Variants in EYA2 observed in about 807,000 individuals in gnomAD.
EYA2 encodes EYA transcriptional coactivator and phosphatase 2.
A neutral mutation model predicts 69.2 loss-of-function variants in EYA2; 31 were observed. That is an observed-to-expected ratio of 0.45 (90% CI 0.34 to 0.60). The LOEUF (loss-of-function observed/expected upper bound fraction) is 0.60. Among genes scored for constraint, EYA2 ranks in the 20% least tolerant of loss-of-function variants. The pLI, the probability that EYA2 is intolerant of heterozygous loss-of-function variation, is 0.02. For synonymous variants in EYA2, 257 were observed against 279.4 expected (o/e 0.92, Z 0.80); for missense variants, 622 against 701.2 (o/e 0.89, Z 1.28).
At chr20:47,057,181 G>GGAAGGAAGGAAT (rs1341327083) in intron 5 of EYA2, among the ~76,000 whole-genome samples, 2 of 145,048 alleles carry the variant, frequency 1.4e-5, no homozygotes, top group African/African-American at 2.6e-5. Context: ...AAGGAAGGAA[G>GGAAGGAAGGAAT]GAATCTCAGC....
At chr20:47,004,786 G>A (rs1982600723) in intron 3 of EYA2, 156 bp from the exon 4 acceptor site, 3 of 986,376 alleles carry the variant, frequency 3.0e-6, no homozygotes, top group Non-Finnish European at 4.7e-6. Context: ...TGCTTCCCAG[G>A]CAGAGGAAAA....
chr20:47,083,294 C>T (rs2031783507), intron 7 of EYA2, among the ~76,000 whole-genome samples: 1 of 152,216 alleles, frequency 6.6e-6, no homozygotes, highest in Middle Eastern at 3.4e-3. Flanking sequence ...GATGCTGGAA[C>T]AGCCGAGCAC....
At chr20:47,124,174 A>G (rs1482026841) in intron 9 of EYA2, among the ~76,000 whole-genome samples, 1 of 152,158 alleles carries the variant, frequency 6.6e-6, no homozygotes, top group African/African-American at 2.4e-5. Context: ...TAAGATGTCA[A>G]GCTGGTGAGG....
intron 1 of EYA2, among the ~76,000 whole-genome samples, chr20:46,964,882 G>A (rs572349056): frequency 6.6e-6 from 1 of 152,302 alleles, no homozygotes; most frequent in Admixed American, 6.5e-5. Context: ...GAATTTAGGG[G>A]ATAATACACT....
Position 47,052,550 on chromosome 20 carries a change from A to G in EYA2, c.416-19635A>G, listed in dbSNP as rs562832383. On this transcript the variant is annotated intron_variant, in intron 5 of 15. Coordinates refer to ENST00000327619, the MANE Select transcript of EYA2 (RefSeq NM_005244.5). Reference sequence around the variant, plus strand: ...GCTTGAGAGTGCCAGTCCTCTGCTGAGATTTGCAGTGCCCTTTTGTAAACC... The same window carrying G: ...GCTTGAGAGTGCCAGTCCTCTGCTGGGATTTGCAGTGCCCTTTTGTAAACC... Among the ~76,000 whole-genome samples the G allele has an allele frequency of 9.2e-5, 14 of 152,324 alleles. No homozygotes were observed. The East Asian group carries it at 2.7e-3, about 29-fold the overall frequency.
At chr20:47,004,876 A>T (rs554116943) in intron 3 of EYA2, 66 bp from the exon 4 acceptor site, 1 of 1,611,564 alleles carries the variant, frequency 6.2e-7, no homozygotes, top group East Asian at 2.2e-5. Flanking sequence ...GGGTGTTGAT[A>T]TCAAGATAAG....
intron 7 of EYA2, among the ~76,000 whole-genome samples, chr20:47,075,968 T>C (rs2031498548): frequency 1.3e-5 from 2 of 152,224 alleles, no homozygotes; most frequent in African/African-American, 4.8e-5. Flanking sequence ...GGTTTTCTGT[T>C]CCTGTGTTAA....
intron 1 of EYA2, among the ~76,000 whole-genome samples, chr20:46,905,073 T>C (rs371574977): frequency 6.6e-6 from 1 of 151,792 alleles, no homozygotes; most frequent in African/African-American, 2.4e-5. Context: ...CCTCTGAGAG[T>C]TATAAATTAA....
chr20:47,109,046 G>A (rs1000006222), intron 9 of EYA2, among the ~76,000 whole-genome samples: 1 of 152,048 alleles, frequency 6.6e-6, no homozygotes, highest in East Asian at 1.9e-4. Flanking sequence ...AGCACAGTAG[G>A]CTGGGTATAT....
intron 1 of EYA2, among the ~76,000 whole-genome samples, chr20:46,972,641 G>C (rs917942429): frequency 6.6e-6 from 1 of 152,114 alleles, no homozygotes; most frequent in African/African-American, 2.4e-5. Context: ...CAGGAGGTGG[G>C]GACCCTTTTT....
At chr20:47,097,267 T>C (rs1600706645) in intron 9 of EYA2, 99 bp downstream of exon 9, 2 of 901,414 alleles carry the variant, frequency 2.2e-6, no homozygotes, top group East Asian at 2.8e-5. Context: ...ATGAGGCAGC[T>C]TCTCCAACAA....
intron 8 of EYA2, 141 bp from the exon 9 acceptor site, chr20:47,096,944 C>T: frequency 1.5e-6 from 1 of 664,988 alleles, no homozygotes; most frequent in Admixed American, 2.7e-5. Context: ...ATTCATGACA[C>T]ATCAGTGAGT....
intron 15 of EYA2, among the ~76,000 whole-genome samples, chr20:47,183,902 C>T (rs1348607367): frequency 2.0e-5 from 3 of 152,174 alleles, no homozygotes; most frequent in Non-Finnish European, 4.4e-5. Flanking sequence ...AACAGCGCCC[C>T]AGAGAGGCTG....
At chr20:46,999,763 A>C (rs779012514) in intron 2 of EYA2, among the ~76,000 whole-genome samples, 1 of 152,324 alleles carries the variant, frequency 6.6e-6, no homozygotes, top group South Asian at 2.1e-4. Flanking sequence ...GGACTCACAC[A>C]GCTTTTGGGT....
intron 1 of EYA2, among the ~76,000 whole-genome samples, chr20:46,955,639 C>T (rs935079768): frequency 6.6e-6 from 1 of 152,002 alleles, no homozygotes; most frequent in Admixed American, 6.6e-5. Flanking sequence ...TAAAAATCAT[C>T]CACAAATTCA....
At chr20:47,104,545 A>G (rs2032520829) in intron 9 of EYA2, among the ~76,000 whole-genome samples, 1 of 152,098 alleles carries the variant, frequency 6.6e-6, no homozygotes, top group Non-Finnish European at 1.5e-5. Flanking sequence ...ACTTTTTTCT[A>G]AGAATTTTCT....
chr20:46,923,322 G>A (rs553606718), intron 1 of EYA2, among the ~76,000 whole-genome samples: 1 of 152,292 alleles, frequency 6.6e-6, no homozygotes, highest in East Asian at 1.9e-4. Context: ...CCAAGATCGT[G>A]CCACTGCACT....
intron 9 of EYA2, among the ~76,000 whole-genome samples, chr20:47,134,950 A>T (rs1600733000): frequency 6.6e-6 from 1 of 151,830 alleles, no homozygotes; most frequent in East Asian, 1.9e-4. Context: ...ACGTGGTGAA[A>T]CCCCGTCTCT....
At chr20:47,060,902 CTGGA>C (rs2030853838) in intron 5 of EYA2, among the ~76,000 whole-genome samples, 1 of 146,072 alleles carries the variant, frequency 6.8e-6, no homozygotes, top group Non-Finnish European at 1.5e-5. Context: ...GTTGCCCAGG[CTGGA>C]GTGCAATGGT....
Sources: allele counts gnomAD v4.1 joint callset (sites outside exome capture counted in the v4.1 genomes callset), GRCh38; gene constraint gnomAD v4.1.1; transcripts MANE v1.5; gene names NCBI Gene and HGNC (gene_info 2026-07-23, HGNC 2026-07-21).